Variants in AKAP9 observed in about 807,000 individuals in gnomAD.
The protein encoded by AKAP9 is A-kinase anchor protein 9.
A neutral mutation model predicts 488.5 loss-of-function variants in AKAP9; 311 were observed. That is an observed-to-expected ratio of 0.64 (90% CI 0.58 to 0.70). The LOEUF (loss-of-function observed/expected upper bound fraction) is 0.70, where lower values mean the gene tolerates loss of function less well. Among genes scored for constraint, AKAP9 ranks in the 30% least tolerant of loss-of-function variants. The probability of loss-of-function intolerance (pLI) is 0.00; values close to 1 mark genes in which losing one functional copy is unlikely to be tolerated. For synonymous variants in AKAP9, 1,462 were observed against 1,483.5 expected, an observed-to-expected ratio of 0.99 and a Z score of 0.33; for missense variants, 4,215 against 4,374.5, an observed-to-expected ratio of 0.96 and a Z score of 1.03.
intron 8 of AKAP9, among the ~76,000 whole-genome samples, chr7:92,011,530 T>A (rs564705256): frequency 1.3e-5 from 2 of 152,242 alleles, no homozygotes; most frequent in South Asian, 4.1e-4. Context: ...ATTGTAAAAT[T>A]GATATAGACA....
At chr7:92,038,999 A>G (rs890654849) in intron 17 of AKAP9, among the ~76,000 whole-genome samples, 43 of 152,092 alleles carry the variant, frequency 2.8e-4, no homozygotes, top group African/African-American at 9.7e-4. Flanking sequence ...TCCATCTCCC[A>G]GGTTCAGGCG....
At chr7:92,017,456 G>A (rs1801676447) in intron 12 of AKAP9, among the ~76,000 whole-genome samples, 1 of 152,032 alleles carries the variant, frequency 6.6e-6, no homozygotes, top group South Asian at 2.1e-4. Context: ...TTAGCATATA[G>A]CTAATTAGTT....
At chr7:91,946,006 A>G (rs968018417) in intron 1 of AKAP9, among the ~76,000 whole-genome samples, 12 of 152,214 alleles carry the variant, frequency 7.9e-5, no homozygotes, top group Admixed American at 2.6e-4. Flanking sequence ...ACTACTGTCT[A>G]TTATATTCAG....
rs764767743 is a variant in AKAP9, at chr7:92,086,410, A to G, written c.9207A>G (p.Gln3069=). Residue 3069 remains glutamine, a synonymous_variant, in exon 37 of 50, where the codon CAA becomes CAG. Coordinates refer to ENST00000356239, the MANE Select transcript of AKAP9 (RefSeq NM_005751.5). ...TAAACTGTTTGGAACAGAGAATACA[A>G]GAACAGGTATAATGAAACTTCATTT... The part of the protein sequence containing the change: ...GLLNCLEQRI[Q]EQGVEYQAAM... The G allele has an allele frequency of 8.1e-6, 13 of 1,612,470 alleles. No homozygotes were observed. The South Asian group carries it at 8.8e-5, about 11-fold the overall frequency.
intron 43 of AKAP9, 80 bp from the exon 44 acceptor site, chr7:92,099,607 C>G: frequency 7.6e-7 from 1 of 1,322,370 alleles, no homozygotes; most frequent in Non-Finnish European, 1.1e-6. Context: ...TTCTGTTGTT[C>G]TCGGTGCCTA....
At chr7:92,076,780 T>C in intron 28 of AKAP9, 75 bp from the exon 29 acceptor site, 1 of 893,856 alleles carries the variant, frequency 1.1e-6, no homozygotes, top group East Asian at 2.7e-5. Flanking sequence ...GTAAAGCTAA[T>C]ATAGCACTCT....
chr7:92,091,021 C>A (rs1815462293), intron 38 of AKAP9, among the ~76,000 whole-genome samples: 1 of 152,164 alleles, frequency 6.6e-6, no homozygotes, highest in Non-Finnish European at 1.5e-5. Context: ...TCTCTAGTTC[C>A]TGAAGGGTTT....
At chr7:91,981,863 C>T (rs982980843) in intron 3 of AKAP9, among the ~76,000 whole-genome samples, 6 of 152,102 alleles carry the variant, frequency 3.9e-5, no homozygotes, top group African/African-American at 9.7e-5. Context: ...CTCTGCCTCC[C>T]GAAGTGCTGG....
rs765317913 is a variant in AKAP9 at position 92,040,862 on chromosome 7, A to G, written c.4881A>G (p.Gln1627=). 13 of 1,613,906 alleles carry G rather than the reference A, an allele frequency of 8.1e-6. No homozygotes were observed. Among genetic ancestry groups the G allele is most frequent in the Non-Finnish European group, 1.0e-5 (12 of 1,179,914 alleles). The change falls in exon 18 of 50, where the codon CAA becomes CAG. Residue 1627 remains glutamine (Q), a synonymous_variant. Transcript: ENST00000356239. ...AGCGAGAAGACCAGGAACAGCTACA[A>G]GAAGAGATTAAGAGACTTAATAGAC... ...ERQREDQEQL[Q]EEIKRLNRQL... is the part of the protein sequence containing the mutation.
In AKAP9 at chr7:92,040,883, T is replaced by C; in HGVS notation, c.4902T>C (p.Asn1634=). The C allele has an allele frequency of 6.2e-7, 1 of 1,612,432 alleles. No individual in the cohort carries two copies. Among genetic ancestry groups the C allele is most frequent in the Non-Finnish European group, 8.5e-7 (1 of 1,179,088 alleles). The change falls in exon 18 of 50, where the codon AAT becomes AAC. Residue 1634 remains asparagine (N), a synonymous_variant. Transcript: ENST00000356239. ...TACAAGAAGAGATTAAGAGACTTAA[T>C]AGACAATTAGCCCAGGTAAGGGTCT... ...EQLQEEIKRL[N]RQLAQRSSID...
chr7:92,045,163 C>A lies in AKAP9; in HGVS notation c.5318C>A (p.Ser1773Ter). 1 of 1,613,494 alleles carries A rather than the reference C, an allele frequency of 6.2e-7. No individual in the cohort carries two copies. The highest frequency in any genetic ancestry group is 1.1e-5 in the South Asian group (1 of 91,054). The part of the protein sequence containing the change: ...SQSSASLIWR[S>*]EAEASVKSCV... ...TCATCTGCCAGCCTAATTTGGAGGTCAGAAGCAGAGGCATCTGTAAAGTCA... is the reference window on the plus strand; with the variant it reads ...TCATCTGCCAGCCTAATTTGGAGGTAAGAAGCAGAGGCATCTGTAAAGTCA... Residue 1773 changes from serine to a stop codon, truncating the protein, a stop_gained, in exon 21 of 50, where the codon TCA (serine) becomes TAA (stop). Coordinates refer to ENST00000356239, the MANE Select transcript of AKAP9 (RefSeq NM_005751.5). LOFTEE classifies it high-confidence loss of function.
At chr7:91,958,466 C>T (rs1228205676) in intron 1 of AKAP9, among the ~76,000 whole-genome samples, 5 of 152,162 alleles carry the variant, frequency 3.3e-5, no homozygotes, top group Non-Finnish European at 7.3e-5. Flanking sequence ...GTTCTTCTCA[C>T]TGTTCATTGT....
intron 1 of AKAP9, among the ~76,000 whole-genome samples, chr7:91,963,401 A>G (rs977804265): frequency 1.3e-5 from 2 of 152,022 alleles, no homozygotes; most frequent in African/African-American, 4.8e-5. Flanking sequence ...TTAAGTAAAT[A>G]GTACATATGC....
At chr7:92,007,034 A>C (rs1799961361) in intron 8 of AKAP9, among the ~76,000 whole-genome samples, 1 of 152,138 alleles carries the variant, frequency 6.6e-6, no homozygotes, top group Non-Finnish European at 1.5e-5. Flanking sequence ...TGAATGAATG[A>C]ATTCATGAAT....
At chr7:92,057,254 T>C (rs1327754457) in intron 22 of AKAP9, among the ~76,000 whole-genome samples, 1 of 152,126 alleles carries the variant, frequency 6.6e-6, no homozygotes, top group East Asian at 1.9e-4. Flanking sequence ...CAAAAGTAAG[T>C]TTTAATTTTC....
At chr7:92,084,421 G>A (rs1391903112) in intron 33 of AKAP9, among the ~76,000 whole-genome samples, 1 of 151,496 alleles carries the variant, frequency 6.6e-6, no homozygotes, top group Non-Finnish European at 1.5e-5. Context: ...GTATGGATTT[G>A]GAACATGTTA....
rs1221868843 is a variant in AKAP9, at chr7:92,079,068, T to C, written c.6946-11T>C. ...TATATTATGTATGTTACCTTTTTCA[T>C]TAATTATTAGGTTATTGAAGAAAAA... On this transcript the variant is annotated splice_polypyrimidine_tract_variant and intron_variant, in intron 30 of 49. Coordinates refer to ENST00000356239, the MANE Select transcript of AKAP9 (RefSeq NM_005751.5). The C allele has an allele frequency of 6.4e-7, 1 of 1,557,888 alleles. No individual in the cohort carries two copies. Among genetic ancestry groups the C allele is most frequent in the Non-Finnish European group, 8.7e-7 (1 of 1,145,132 alleles).
chr7:92,081,853 T>G (rs1813644272), intron 31 of AKAP9, among the ~76,000 whole-genome samples: 1 of 152,182 alleles, frequency 6.6e-6, no homozygotes, highest in South Asian at 2.1e-4. Flanking sequence ...GAAGATTAAC[T>G]GATAAATCAC....
chr7:92,075,315 A>G (rs1010911041), intron 28 of AKAP9, among the ~76,000 whole-genome samples: 3 of 152,254 alleles, frequency 2.0e-5, no homozygotes, highest in Admixed American at 6.5e-5. Flanking sequence ...TTGATTTTAA[A>G]ATAATACCTT....
Sources: allele counts gnomAD v4.1 joint callset (sites outside exome capture counted in the v4.1 genomes callset), GRCh38; gene constraint gnomAD v4.1.1; transcripts MANE v1.5; gene names NCBI Gene and HGNC (gene_info 2026-07-23, HGNC 2026-07-21).